The following DCDC1 variants were observed in gnomAD, a reference collection of about 807,000 sequenced individuals.
The protein encoded by DCDC1 is doublecortin domain containing 1, also known as doublecortin domain-containing protein 1.
In DCDC1, 200 loss-of-function variants were observed where a neutral mutation model predicts 178.3. That is an observed-to-expected ratio of 1.12 (90% CI 1.00 to 1.26). DCDC1 has a LOEUF of 1.26. DCDC1 is among the 50% of genes most tolerant of loss of function. DCDC1 has a pLI of 0.00. For missense variants in DCDC1, 1,983 were observed against 1,749.2 expected (o/e 1.13, Z -2.38); for synonymous variants, 690 against 604.8 (o/e 1.14, Z -2.07).
At position 31,290,766 on chromosome 11, in the gene DCDC1, C is replaced by T. The variant is rs1353545652; in HGVS notation, c.841G>A (p.Val281Ile). 3 of 1,613,442 alleles carry T rather than the reference C, an allele frequency of 1.9e-6. No homozygotes were observed. The highest frequency in any genetic ancestry group is 2.5e-6 in the Non-Finnish European group (3 of 1,179,572). ...TDIKRRKTKP[V>I]LSIRMKKLTE... ...AGTTTCTTCATTCTAATAGAAAGAA[C>T]AGGCTTGGTTTTCCGTCTTTTGATA... Residue 281 changes from valine (V) to isoleucine (I), a missense_variant, in exon 7 of 39, where the codon GTT becomes ATT. By Grantham distance (29) the Val-to-Ile change is conservative (BLOSUM62 3). Transcript: ENST00000684477.
chr11:30,973,300 TC>T (rs1459867441), intron 20 of DCDC1, among the ~76,000 whole-genome samples: 1 of 148,970 alleles, frequency 6.7e-6, no homozygotes, highest in Non-Finnish European at 1.5e-5. Context: ...ATGTAGCATC[TC>T]CCCCCTCTCT....
At chr11:31,297,501 G>A (rs145665481) in intron 6 of DCDC1, among the ~76,000 whole-genome samples, 3,136 of 151,842 alleles carry the variant, frequency 0.021, 99 homozygotes, top group African/African-American at 0.071. Context: ...GCGCACTACC[G>A]TGCCTGGCTA....
intron 15 of DCDC1, among the ~76,000 whole-genome samples, chr11:31,096,911 A>ATGTG (rs140701614): frequency 6.6e-5 from 10 of 150,586 alleles, no homozygotes; most frequent in Non-Finnish European, 1.3e-4. Flanking sequence ...ATATGTATGT[A>ATGTG]TGTGTGTGTG....
intron 6 of DCDC1, among the ~76,000 whole-genome samples, chr11:31,291,511 A>G (rs1395331066): frequency 6.6e-6 from 1 of 152,096 alleles, no homozygotes; most frequent in Non-Finnish European, 1.5e-5. Context: ...TATAAACAGG[A>G]GTGCAACTAA....
intron 9 of DCDC1, among the ~76,000 whole-genome samples, chr11:31,186,802 GCAGCTTCATA>G (rs1969554682): frequency 6.6e-6 from 1 of 152,174 alleles, no homozygotes; most frequent in Non-Finnish European, 1.5e-5. Context: ...CTGAGATGCA[GCAGCTTCATA>G]CAGCTTCTCT....
At chr11:30,987,339 A>C (rs1316744896) in intron 20 of DCDC1, among the ~76,000 whole-genome samples, 1 of 152,148 alleles carries the variant, frequency 6.6e-6, no homozygotes, top group East Asian at 1.9e-4. Flanking sequence ...TTTAAGGGAG[A>C]GAAAACCACA....
At chr11:31,296,894 G>A (rs544774929) in intron 6 of DCDC1, among the ~76,000 whole-genome samples, 3 of 152,052 alleles carry the variant, frequency 2.0e-5, no homozygotes, top group East Asian at 1.9e-4. Flanking sequence ...CCCACAAGGC[G>A]TCTCCCCCAA....
chr11:30,885,746 G>A (rs1004967512), intron 36 of DCDC1, among the ~76,000 whole-genome samples: 2 of 152,088 alleles, frequency 1.3e-5, no homozygotes, highest in Non-Finnish European at 2.9e-5. Flanking sequence ...ACCTATGGGA[G>A]CATAAATTCT....
intron 36 of DCDC1, among the ~76,000 whole-genome samples, chr11:30,886,620 G>A (rs908605038): frequency 6.6e-6 from 1 of 152,000 alleles, no homozygotes; most frequent in Non-Finnish European, 1.5e-5. Flanking sequence ...TAATTCTATT[G>A]GATTAATGTT....
intron 1 of DCDC1, among the ~76,000 whole-genome samples, chr11:31,336,125 A>T (rs558639194): frequency 1.1e-4 from 17 of 152,376 alleles, no homozygotes; most frequent in African/African-American, 3.8e-4. Context: ...ACAGATGTTA[A>T]TAGGTAATAA....
At chr11:30,904,825 C>G (rs1944944921) in intron 31 of DCDC1, 136 bp downstream of exon 31, 58 of 924,668 alleles carry the variant, frequency 6.3e-5, no homozygotes, top group Non-Finnish European at 8.9e-5. Context: ...AAACAGAGAT[C>G]TTCATCTCAT....
Position 31,014,189 on chromosome 11 carries a change from C to T in DCDC1, c.2591+50280G>A, listed in dbSNP as rs139947915. On this transcript the variant is annotated intron_variant, in intron 20 of 38. Coordinates refer to ENST00000684477, the MANE Select transcript of DCDC1 (RefSeq NM_001387274.1). ...AGACACCAGAGACATAGCTCTTGCT[C>T]GCTCTCACTCTCTCTTTCTCTCTCT... 7.9e-4 allele frequency among the ~76,000 whole-genome samples: 120 copies of T among 152,074 alleles called. No homozygotes were observed. In the East Asian group the frequency reaches 9.7e-3, roughly 12 times the overall value.
At chr11:30,919,934 G>C (rs1371638457) in intron 25 of DCDC1, among the ~76,000 whole-genome samples, 3 of 152,172 alleles carry the variant, frequency 2.0e-5, no homozygotes, top group Non-Finnish European at 4.4e-5. Flanking sequence ...GGTAGAGGGA[G>C]GGGTAGGCAA....
intron 20 of DCDC1, among the ~76,000 whole-genome samples, chr11:31,019,888 A>C (rs1176246262): frequency 6.6e-6 from 1 of 150,852 alleles, no homozygotes; most frequent in Non-Finnish European, 1.5e-5. Flanking sequence ...CCCACCCCCC[A>C]GTCTGTCTTT....
chr11:31,277,195 T>C (rs984701495), intron 7 of DCDC1, among the ~76,000 whole-genome samples: 2 of 152,092 alleles, frequency 1.3e-5, no homozygotes, highest in African/African-American at 4.8e-5. Flanking sequence ...GAATAGTTCG[T>C]CTGTTCTACA....
intron 32 of DCDC1, among the ~76,000 whole-genome samples, chr11:30,902,380 A>G (rs1215315244): frequency 1.1e-4 from 17 of 152,146 alleles, no homozygotes. Flanking sequence ...TGGACTTCCC[A>G]GCCTCCCGAA....
At chr11:31,341,402 G>C (rs1950534249) in intron 1 of DCDC1, among the ~76,000 whole-genome samples, 1 of 142,078 alleles carries the variant, frequency 7.0e-6, no homozygotes, top group African/African-American at 2.6e-5. Flanking sequence ...TAGATAGATA[G>C]ATAGATAGAT....
chr11:30,985,966 A>G (rs1247694694), intron 20 of DCDC1, among the ~76,000 whole-genome samples: 1 of 152,190 alleles, frequency 6.6e-6, no homozygotes, highest in East Asian at 1.9e-4. Context: ...GGGGACAGAA[A>G]TTAGTATTAG....
intron 38 of DCDC1, among the ~76,000 whole-genome samples, chr11:30,867,249 C>T (rs1459569473): frequency 6.6e-6 from 1 of 152,124 alleles, no homozygotes; most frequent in Non-Finnish European, 1.5e-5. Flanking sequence ...TTCTAGGGAA[C>T]CTAAATGGAA....
Sources: gnomAD v4.1 joint callset for allele counts (sites outside exome capture counted in the v4.1 genomes callset) on GRCh38, gnomAD v4.1.1 for gene constraint, MANE v1.5 for transcripts, NCBI Gene and HGNC (gene_info 2026-07-23, HGNC 2026-07-21) for gene names.